Variants in EFR3A observed in about 807,000 individuals in gnomAD.
EFR3A encodes the protein EFR3 homolog A.
Under a neutral mutation model 104.4 loss-of-function variants are expected in EFR3A, and 76 were observed. The observed-to-expected ratio is 0.73, with a 90% CI of 0.60 to 0.88. The LOEUF (loss-of-function observed/expected upper bound fraction) is 0.88, where lower values mean the gene tolerates loss of function less well. EFR3A is among the 40% of genes least tolerant of loss of function. The probability of loss-of-function intolerance (pLI) is 0.00; values close to 1 mark genes in which losing one functional copy is unlikely to be tolerated. For synonymous variants in EFR3A, 330 were observed against 330.0 expected, an observed-to-expected ratio of 1.00 and a Z score of 0.00; for missense variants, 985 against 1,012.5, an observed-to-expected ratio of 0.97 and a Z score of 0.37.
chr8:132,011,907 TTA>T lies in EFR3A; in HGVS notation c.*1016_*1017del, dbSNP rs1434876983. ...CTTGTATACATCTGTTTAGAATCAA[TTA>T]TATTTGAAAAGCTGCCTGTGTTTTA... On this transcript the variant is annotated 3_prime_UTR_variant, in exon 23 of 23. Coordinates refer to ENST00000254624, the MANE Select transcript of EFR3A (RefSeq NM_015137.6). 6.6e-6 allele frequency: 1 copy of T among 152,196 alleles called. No individual in the cohort carries two copies. Among genetic ancestry groups the T allele is most frequent in the Non-Finnish European group, 1.5e-5 (1 of 68,028 alleles). The allele number at this position is 152,196 out of a possible 1,614,324, so 9.4% of individuals were successfully genotyped here. A position where few individuals can be genotyped will look rare whatever the true frequency, so the allele number is the denominator to read the frequency against.
intron 22 of EFR3A, among the ~76,000 whole-genome samples, chr8:132,003,754 CATTT>C (rs1821903306): frequency 6.6e-6 from 1 of 152,116 alleles, no homozygotes; most frequent in African/African-American, 2.4e-5. Flanking sequence ...ACATCATATT[CATTT>C]GAGTTCTGTT....
chr8:131,904,521 C>T (rs1816144334), intron 1 of EFR3A, among the ~76,000 whole-genome samples, 199 bp downstream of exon 1: 2 of 152,278 alleles, frequency 1.3e-5, no homozygotes, highest in African/African-American at 2.4e-5. Flanking sequence ...GATCGGGAAA[C>T]TGAGGCCCGA....
intron 1 of EFR3A, among the ~76,000 whole-genome samples, chr8:131,933,036 A>C (rs1169020866): frequency 6.6e-6 from 1 of 152,190 alleles, no homozygotes; most frequent in Non-Finnish European, 1.5e-5. Flanking sequence ...GCATTAAAGA[A>C]GAAAGTCACT....
At chr8:131,923,876 C>T (rs547040378) in intron 1 of EFR3A, among the ~76,000 whole-genome samples, 101 of 152,028 alleles carry the variant, frequency 6.6e-4, no homozygotes, top group African/African-American at 2.1e-3. Flanking sequence ...CAGAACTAAG[C>T]GAAGATGAAT....
At chr8:131,994,736 G>A (rs553495777) in intron 18 of EFR3A, among the ~76,000 whole-genome samples, 3 of 152,284 alleles carry the variant, frequency 2.0e-5, no homozygotes, top group South Asian at 2.1e-4. Flanking sequence ...CTTATTTAGA[G>A]ATGCGGAATT....
intron 14 of EFR3A, among the ~76,000 whole-genome samples, chr8:131,981,630 T>C (rs923626122): frequency 6.6e-6 from 1 of 152,040 alleles, no homozygotes; most frequent in Admixed American, 6.6e-5. Flanking sequence ...AGAAAAAAAA[T>C]TGGGTTCTGT....
At chr8:131,955,507 C>G (rs192079380) in intron 6 of EFR3A, among the ~76,000 whole-genome samples, 1 of 152,226 alleles carries the variant, frequency 6.6e-6, no homozygotes, top group East Asian at 1.9e-4. Context: ...TGAAAGCAAG[C>G]TGCTGAGTAT....
At chr8:131,924,185 C>A in intron 1 of EFR3A, 1 of 381,976 alleles carries the variant, frequency 2.6e-6, no homozygotes. Context: ...GCATTTTATG[C>A]CAAAGGAATT....
At chr8:131,989,124 C>CGG (rs1228937184) in intron 18 of EFR3A, among the ~76,000 whole-genome samples, 1 of 152,086 alleles carries the variant, frequency 6.6e-6, no homozygotes, top group Non-Finnish European at 1.5e-5. Context: ...ACTAGAAATC[C>CGG]TACTAGATTT....
rs1449262428 is a variant in EFR3A, at chr8:131,908,121, T to C, written c.10+3799T>C. 1.3e-5 allele frequency among the ~76,000 whole-genome samples: 2 copies of C among 151,690 alleles called. 1 individual carries two copies. Among genetic ancestry groups the C allele is most frequent in the Non-Finnish European group, 2.9e-5 (2 of 67,910 alleles). ...TGTCGCCCAGGCTGGAGTGCAGTGG[T>C]GAGATCTCTGTTCACTGCAACCTCC... On this transcript the variant is annotated intron_variant, in intron 1 of 22. Transcript: ENST00000254624.
chr8:131,973,400 G>A (rs1327828818), intron 10 of EFR3A, among the ~76,000 whole-genome samples: 5 of 151,762 alleles, frequency 3.3e-5, no homozygotes, highest in Non-Finnish European at 7.4e-5. Flanking sequence ...AATTAATTCA[G>A]TGTTACTCTT....
chr8:131,914,087 T>C (rs1816642667), intron 1 of EFR3A, among the ~76,000 whole-genome samples: 1 of 152,230 alleles, frequency 6.6e-6, no homozygotes, highest in Non-Finnish European at 1.5e-5. Flanking sequence ...TTATCAGTTC[T>C]TGCATTATCA....
intron 18 of EFR3A, among the ~76,000 whole-genome samples, chr8:131,990,242 A>G: frequency 6.6e-6 from 1 of 152,348 alleles, no homozygotes; most frequent in Middle Eastern, 3.4e-3. Flanking sequence ...AGTTAATTTC[A>G]TTATATAATT....
chr8:131,941,911 A>G lies in EFR3A; in HGVS notation c.87+1336A>G, dbSNP rs1254167382. On this transcript the variant is annotated intron_variant, in intron 2 of 22. Transcript: ENST00000254624. ...TCAGACTTCAAGCGAAGGTTTATAT[A>G]ACCTAATTGTAGAGTGTAAGGGTGG... is the stretch of plus-strand genomic sequence containing the variant. Among the ~76,000 whole-genome samples, 3 of 152,112 alleles carry G rather than the reference A, an allele frequency of 2.0e-5. No individual in the cohort carries two copies. In the East Asian group the frequency reaches 5.8e-4, roughly 29 times the overall value.
intron 4 of EFR3A, among the ~76,000 whole-genome samples, chr8:131,949,285 T>C (rs761378911): frequency 2.0e-5 from 3 of 151,784 alleles, no homozygotes; most frequent in Non-Finnish European, 4.4e-5. Flanking sequence ...CTTAGAAATA[T>C]TATTTTCATT....
At chr8:131,910,971 C>T (rs536731728) in intron 1 of EFR3A, among the ~76,000 whole-genome samples, 3 of 152,038 alleles carry the variant, frequency 2.0e-5, no homozygotes, top group Admixed American at 2.0e-4. Flanking sequence ...AAGAGTGGAC[C>T]GGAAGATAGG....
intron 10 of EFR3A, among the ~76,000 whole-genome samples, chr8:131,971,611 C>T (rs1433520775): frequency 6.6e-6 from 1 of 151,870 alleles, no homozygotes; most frequent in African/African-American, 2.4e-5. Flanking sequence ...TGGCGTGAAC[C>T]CGGGAGGCAG....
chr8:131,996,466 T>C lies in EFR3A; in HGVS notation c.2126T>C (p.Ile709Thr). Reference sequence around the variant, plus strand: ...GACACCGTATCCATTCAGGTGGATATTTTATCCAACAATGTTCCTTCTGAT... The same window carrying C: ...GACACCGTATCCATTCAGGTGGATACTTTATCCAACAATGTTCCTTCTGAT... ...IVDTVSIQVD[I>T]LSNNVPSDDV... is the part of the protein sequence containing the mutation. The change falls in exon 19 of 23, where the codon ATT becomes ACT. Residue 709 changes from isoleucine (I) to threonine (T), a missense_variant. Transcript: ENST00000254624. 1 of 1,602,276 alleles carries C rather than the reference T, an allele frequency of 6.2e-7. No homozygotes were observed. The highest frequency in any genetic ancestry group is 8.5e-7 in the Non-Finnish European group (1 of 1,174,980).
intron 1 of EFR3A, among the ~76,000 whole-genome samples, chr8:131,911,974 G>A (rs1402318630): frequency 6.6e-5 from 10 of 152,152 alleles, no homozygotes; most frequent in African/African-American, 2.4e-4. Flanking sequence ...ATATTTTTCA[G>A]TTTTATGACT....
Sources: gnomAD v4.1 joint callset for allele counts (sites outside exome capture counted in the v4.1 genomes callset) on GRCh38, gnomAD v4.1.1 for gene constraint, MANE v1.5 for transcripts, NCBI Gene and HGNC (gene_info 2026-07-23, HGNC 2026-07-21) for gene names.